The following DNAJB6 variants were observed in gnomAD, a reference collection of about 807,000 sequenced individuals.
The protein encoded by DNAJB6 is DnaJ heat shock protein family (Hsp40) member B6, also known as dnaJ homolog subfamily B member 6.
A neutral mutation model predicts 42.7 loss-of-function variants in DNAJB6; 16 were observed. The ratio of observed to expected loss-of-function variants is 0.37; its 90% CI spans 0.25 to 0.57. The LOEUF (loss-of-function observed/expected upper bound fraction) is 0.57. DNAJB6 is among the 20% of genes least tolerant of loss of function. The pLI is 0.74. For missense variants in DNAJB6, 347 were observed against 416.8 expected, an observed-to-expected ratio of 0.83 and a Z score of 1.46; for synonymous variants, 170 against 163.5, an observed-to-expected ratio of 1.04 and a Z score of -0.30.
chr7:157,358,734 A>G, intron 2 of DNAJB6, 97 bp downstream of exon 2: 1 of 964,222 alleles, frequency 1.0e-6, no homozygotes, highest in South Asian at 1.4e-5. Context: ...ATGGCTTTTA[A>G]TGTAGTATAC....
chr7:157,359,790 G>C (rs111693025), intron 2 of DNAJB6, among the ~76,000 whole-genome samples: 1 of 152,204 alleles, frequency 6.6e-6, no homozygotes. Context: ...CTGTGTTCCA[G>C]CTTGGGCAAC....
At chr7:157,345,067 C>T (rs1234619916) in intron 1 of DNAJB6, among the ~76,000 whole-genome samples, 2 of 152,014 alleles carry the variant, frequency 1.3e-5, no homozygotes, top group African/African-American at 2.4e-5. Flanking sequence ...GGTCTCGGCT[C>T]ACTGCAACCT....
chr7:157,356,051 G>A (rs926557695), intron 1 of DNAJB6, among the ~76,000 whole-genome samples: 4 of 152,226 alleles, frequency 2.6e-5, no homozygotes, highest in African/African-American at 7.2e-5. Context: ...GACTTGCGAG[G>A]GCATGTGTGC....
intron 6 of DNAJB6, 115 bp downstream of exon 6, chr7:157,382,492 G>A: frequency 2.5e-6 from 3 of 1,206,684 alleles, no homozygotes; most frequent in Non-Finnish European, 3.3e-6. Context: ...TCGTAGAATA[G>A]CATTGTGGAT....
At chr7:157,392,359 G>GGTTTT (rs1554465684) in intron 8 of DNAJB6, among the ~76,000 whole-genome samples, 1 of 137,894 alleles carries the variant, frequency 7.3e-6, no homozygotes. Flanking sequence ...TTGAAAGTGG[G>GGTTTT]TTTTTTTTTT....
At chr7:157,394,172 A>G (rs1015505522) in intron 8 of DNAJB6, among the ~76,000 whole-genome samples, 15 of 152,184 alleles carry the variant, frequency 9.9e-5, no homozygotes, top group Non-Finnish European at 1.3e-4. Flanking sequence ...TTTAAGTTCG[A>G]CTTGTAAAAC....
chr7:157,340,091 T>C (rs570808078), intron 1 of DNAJB6: 8 of 152,340 alleles, frequency 5.3e-5, no homozygotes, highest in Admixed American at 1.3e-4. Context: ...CTTACAGATA[T>C]CTGTTGAGGA....
chr7:157,340,949 A>C (rs1798329460), intron 1 of DNAJB6, among the ~76,000 whole-genome samples: 1 of 149,586 alleles, frequency 6.7e-6, no homozygotes, highest in Admixed American at 6.6e-5. Context: ...TACAGGCGTG[A>C]CCCACCGCAC....
chr7:157,391,472 G>C (rs1801339639), intron 8 of DNAJB6, among the ~76,000 whole-genome samples: 1 of 152,220 alleles, frequency 6.6e-6, no homozygotes, highest in Non-Finnish European at 1.5e-5. Context: ...ATTGGCACTG[G>C]ACACGGCCTC....
intron 1 of DNAJB6, among the ~76,000 whole-genome samples, chr7:157,345,398 T>C (rs1344777654): frequency 6.6e-6 from 1 of 152,176 alleles, no homozygotes. Flanking sequence ...CACAGCATCC[T>C]TGATCTCTTG....
intron 1 of DNAJB6, among the ~76,000 whole-genome samples, chr7:157,340,397 G>A (rs955579469): frequency 6.6e-6 from 1 of 151,906 alleles, no homozygotes; most frequent in African/African-American, 2.4e-5. Context: ...TAGAATTTGA[G>A]AATATCAAAC....
intron 8 of DNAJB6, among the ~76,000 whole-genome samples, chr7:157,399,058 T>C (rs1179919530): frequency 6.6e-6 from 1 of 152,240 alleles, no homozygotes; most frequent in Non-Finnish European, 1.5e-5. Context: ...TGAACGGCAG[T>C]GAATGCCCTT....
At chr7:157,371,279 C>T (rs145481481) in intron 5 of DNAJB6, among the ~76,000 whole-genome samples, 2 of 152,218 alleles carry the variant, frequency 1.3e-5, no homozygotes, top group African/African-American at 2.4e-5. Flanking sequence ...GTACTTTCCA[C>T]GTGACGAAAA....
intron 6 of DNAJB6, among the ~76,000 whole-genome samples, chr7:157,384,606 C>A (rs765428788): frequency 3.3e-5 from 5 of 152,312 alleles, no homozygotes; most frequent in African/African-American, 1.2e-4. Flanking sequence ...TTGGGTCCCG[C>A]GAAGCTCTGC....
Position 157,384,910 on chromosome 7 carries a change from A to G in DNAJB6, c.522A>G (p.Ser174=). 2.5e-6 allele frequency: 4 copies of G among 1,613,560 alleles called. No homozygotes were observed. Among genetic ancestry groups the G allele is most frequent in the Non-Finnish European group, 3.4e-6 (4 of 1,179,868 alleles). The change falls in exon 7 of 10, where the codon TCA becomes TCG. Residue 174 remains serine (S), a synonymous_variant. Transcript: ENST00000262177. The part of the protein sequence containing the change: ...FGSLGHGGLT[S]FSSTSFGGSG... ...CACTAGGTCACGGGGGCCTCACTTC[A>G]TTCTCTTCCACGTCATTTGGTGGTA...
intron 8 of DNAJB6, 23 bp from the exon 9 acceptor site, chr7:157,409,772 T>G (rs1050832358): frequency 7.3e-6 from 11 of 1,506,492 alleles, no homozygotes; most frequent in East Asian, 5.0e-5. Flanking sequence ...CTCACGGCTC[T>G]CTCTCTCCCG....
chr7:157,399,548 C>T (rs549174753), intron 8 of DNAJB6, among the ~76,000 whole-genome samples: 33 of 152,340 alleles, frequency 2.2e-4, no homozygotes, highest in African/African-American at 6.0e-4. Flanking sequence ...AGCAGTCGGC[C>T]GGGCCCTGCA....
chr7:157,374,549 G>T (rs143897978), intron 5 of DNAJB6, among the ~76,000 whole-genome samples: 33 of 152,250 alleles, frequency 2.2e-4, no homozygotes, highest in African/African-American at 7.2e-4. Context: ...ATGAGCCACC[G>T]TGCCAGGCCG....
At chr7:157,374,060 G>A (rs1378243018) in intron 5 of DNAJB6, among the ~76,000 whole-genome samples, 2 of 152,120 alleles carry the variant, frequency 1.3e-5, no homozygotes, top group African/African-American at 4.8e-5. Context: ...CGTGATGTAC[G>A]AGACTGGTTT....
Sources: allele counts gnomAD v4.1 joint callset (sites outside exome capture counted in the v4.1 genomes callset), GRCh38; gene constraint gnomAD v4.1.1; transcripts MANE v1.5; gene names NCBI Gene and HGNC (gene_info 2026-07-23, HGNC 2026-07-21).